Variants in PRKN observed in about 807,000 individuals in gnomAD.
PRKN encodes E3 ubiquitin-protein ligase parkin.
PRKN carries 56 observed loss-of-function variants against 59.5 expected under a neutral mutation model. That is an observed-to-expected ratio of 0.94 (90% CI 0.76 to 1.18). The LOEUF is 1.18. Among genes scored for constraint, PRKN ranks in the 50% most tolerant of loss-of-function variants. The pLI, the probability that PRKN is intolerant of heterozygous loss-of-function variation, is 0.00. For missense variants in PRKN, 657 were observed against 596.4 expected (o/e 1.10, Z -1.06); for synonymous variants, 250 against 222.1 (o/e 1.13, Z -1.12).
chr6:162,158,886 C>T (rs1401227357), intron 4 of PRKN, among the ~76,000 whole-genome samples: 12 of 151,964 alleles, frequency 7.9e-5, no homozygotes, highest in Non-Finnish European at 7.3e-5. Context: ...GTAGCTAGTG[C>T]GCCCATGTTA....
intron 5 of PRKN, among the ~76,000 whole-genome samples, chr6:161,985,817 TG>T (rs1562439013): frequency 2.0e-5 from 3 of 152,112 alleles, no homozygotes; most frequent in Non-Finnish European, 4.4e-5. Context: ...GGAGACCCTT[TG>T]AGGAGGGGCT....
intron 2 of PRKN, among the ~76,000 whole-genome samples, chr6:162,288,141 G>A (rs1395081611): frequency 6.6e-6 from 1 of 152,134 alleles, no homozygotes; most frequent in African/African-American, 2.4e-5. Context: ...TTCCCTCCCT[G>A]CCTGGAAGTG....
At chr6:162,360,017 C>A (rs1359494839) in intron 2 of PRKN, among the ~76,000 whole-genome samples, 1 of 151,952 alleles carries the variant, frequency 6.6e-6, no homozygotes, top group African/African-American at 2.4e-5. Context: ...TATAATTTTT[C>A]AAATTCTCAC....
chr6:161,648,104 G>T (rs1033276724), intron 7 of PRKN, among the ~76,000 whole-genome samples: 1 of 152,208 alleles, frequency 6.6e-6, no homozygotes, highest in African/African-American at 2.4e-5. Flanking sequence ...GATTATTCAG[G>T]TGGAGACAAA....
chr6:162,585,393 G>A (rs549657785), intron 1 of PRKN, among the ~76,000 whole-genome samples: 1 of 152,174 alleles, frequency 6.6e-6, no homozygotes, highest in South Asian at 2.1e-4. Flanking sequence ...TTACCCATTG[G>A]CTGCATTTAG....
chr6:162,531,284 C>T (rs1778502842), intron 1 of PRKN, among the ~76,000 whole-genome samples: 1 of 152,006 alleles, frequency 6.6e-6, no homozygotes, highest in Non-Finnish European at 1.5e-5. Context: ...CTTGTGTAAC[C>T]GTCAAGGGGT....
Position 161,352,067 on chromosome 6 carries a change from C to G in PRKN, c.1286-1856G>C, listed in dbSNP as rs77013559. Among the ~76,000 whole-genome samples, 3,759 of 152,180 alleles carry G rather than the reference C, an allele frequency of 0.025. 162 individuals carry two copies. The highest frequency in any genetic ancestry group is 0.086 in the African/African-American group (3,574 of 41,494). Reference sequence around the variant, plus strand: ...AGGATGTACAGAGAACTGTTTCTGTCCAAATTTCCTGGAAAACCCCGGCAA... The same window carrying G: ...AGGATGTACAGAGAACTGTTTCTGTGCAAATTTCCTGGAAAACCCCGGCAA... On this transcript the variant is annotated intron_variant, in intron 11 of 11. Coordinates refer to ENST00000366898, the MANE Select transcript of PRKN (RefSeq NM_004562.3). This position sits in a 1 kb window ranked among gnomAD's most constrained non-coding sequence, Gnocchi z 5.8.
At chr6:162,507,919 C>T (rs1396405510) in intron 1 of PRKN, among the ~76,000 whole-genome samples, 2 of 152,172 alleles carry the variant, frequency 1.3e-5, no homozygotes, top group African/African-American at 4.8e-5. Context: ...ACAGAAAAGG[C>T]TTGGGCAGAG....
In PRKN at chr6:162,021,196, A is replaced by ATG. The variant is rs1554261934; in HGVS notation, c.618+32894_618+32895insCA. On this transcript the variant is annotated intron_variant, in intron 5 of 11. Transcript: ENST00000366898. ...ATATGTGTATATATATTATATATAT[A>ATG]ATATATATAATATATAACATCTATA... Among the ~76,000 whole-genome samples the ATG allele has an allele frequency of 3.5e-5, 4 of 114,164 alleles. 1 individual carries two copies. The highest frequency in any genetic ancestry group is 7.8e-5 in the Non-Finnish European group (4 of 51,504). The allele number at this position is 114,164 out of a possible 152,430, so 74.9% of individuals were successfully genotyped here.
intron 2 of PRKN, among the ~76,000 whole-genome samples, chr6:162,350,978 A>G (rs2128131032): frequency 6.6e-6 from 1 of 152,198 alleles, no homozygotes; most frequent in Non-Finnish European, 1.5e-5. Flanking sequence ...TGGTAAGAAA[A>G]CAACTCACCA....
At chr6:162,349,156 A>T (rs112568674) in intron 2 of PRKN, among the ~76,000 whole-genome samples, 4 of 152,300 alleles carry the variant, frequency 2.6e-5, no homozygotes, top group African/African-American at 9.6e-5. Flanking sequence ...ATCTACACAA[A>T]CTTTAGCAGA....
intron 1 of PRKN, among the ~76,000 whole-genome samples, chr6:162,711,408 A>C (rs1028178122): frequency 4.2e-5 from 5 of 120,160 alleles, no homozygotes; most frequent in Non-Finnish European, 8.4e-5. Flanking sequence ...GCTGTTGGTC[A>C]AAACTGCTAT....
intron 3 of PRKN, among the ~76,000 whole-genome samples, chr6:162,208,896 T>C (rs932173054): frequency 2.6e-5 from 4 of 152,192 alleles, no homozygotes; most frequent in East Asian, 1.9e-4. Flanking sequence ...GCTAGCCATA[T>C]GTAGAAAGCT....
At chr6:161,380,932 C>T (rs1298489914) in intron 10 of PRKN, among the ~76,000 whole-genome samples, 1 of 152,194 alleles carries the variant, frequency 6.6e-6, no homozygotes. Context: ...CAACACCCCA[C>T]AACAAGCCAT....
At chr6:161,563,441 T>A (rs917864194) in intron 8 of PRKN, among the ~76,000 whole-genome samples, 2 of 152,126 alleles carry the variant, frequency 1.3e-5, no homozygotes, top group African/African-American at 2.4e-5. Context: ...ACTCCAGACA[T>A]CATACCTGAT....
intron 7 of PRKN, among the ~76,000 whole-genome samples, chr6:161,747,474 G>A (rs763753): frequency 0.16 from 23,633 of 151,806 alleles, 2,443 homozygotes; most frequent in East Asian, 0.58. Context: ...TGAGATGAAG[G>A]AAATGTATTG....
At chr6:162,609,498 A>G (rs1782052663) in intron 1 of PRKN, among the ~76,000 whole-genome samples, 1 of 152,214 alleles carries the variant, frequency 6.6e-6, no homozygotes, top group Non-Finnish European at 1.5e-5. Context: ...TTACTCCTAT[A>G]GTTATGATTC....
chr6:161,563,803 A>G (rs961750143), intron 8 of PRKN, among the ~76,000 whole-genome samples: 25 of 152,170 alleles, frequency 1.6e-4, no homozygotes, highest in Non-Finnish European at 2.4e-4. Context: ...ATTAACCAGC[A>G]TTTTTGTAGG....
Position 161,348,890 on chromosome 6 carries a change from A to G in PRKN, c.*1209T>C. 4.9e-6 allele frequency: 1 copy of G among 203,516 alleles called. No individual in the cohort carries two copies. The highest frequency in any genetic ancestry group is 7.5e-5 in the East Asian group (1 of 13,360). 12.6% of individuals were successfully genotyped at this position (203,516 alleles called of 1,614,324 possible). Reference sequence around the variant, plus strand: ...CTTTTGATTGTGTTGTGAATGGCTGAAAAAAAAGCTGAAAGTTTGATTGAA... The same window carrying G: ...CTTTTGATTGTGTTGTGAATGGCTGGAAAAAAAGCTGAAAGTTTGATTGAA... On this transcript the variant is annotated 3_prime_UTR_variant, in exon 12 of 12. Coordinates refer to ENST00000366898, the MANE Select transcript of PRKN (RefSeq NM_004562.3). This position sits in a 1 kb window ranked among gnomAD's most constrained non-coding sequence, Gnocchi z 4.9.
Sources: allele counts gnomAD v4.1 joint callset (sites outside exome capture counted in the v4.1 genomes callset), GRCh38; gene constraint gnomAD v4.1.1; non-coding constraint Gnocchi (gnomAD v3.1); transcripts MANE v1.5; gene names NCBI Gene and HGNC (gene_info 2026-07-23, HGNC 2026-07-21).